The following CHRM5 variants were observed in gnomAD, a reference collection of about 807,000 sequenced individuals.
CHRM5 encodes the protein muscarinic acetylcholine receptor M5.
CHRM5 carries 18 observed loss-of-function variants against 39.0 expected under a neutral mutation model. That is an observed-to-expected ratio of 0.46 (90% CI 0.32 to 0.68). CHRM5 has a LOEUF of 0.68. Among genes scored for constraint, CHRM5 ranks in the 30% least tolerant of loss-of-function variants. CHRM5 has a pLI of 0.04. For missense variants in CHRM5, 515 were observed against 651.1 expected, an observed-to-expected ratio of 0.79 and a Z score of 2.28; for synonymous variants, 241 against 246.3, an observed-to-expected ratio of 0.98 and a Z score of 0.20.
At chr15:34,031,088 C>T (rs2140760731) in intron 1 of CHRM5, among the ~76,000 whole-genome samples, 1 of 146,798 alleles carries the variant, frequency 6.8e-6, no homozygotes, top group African/African-American at 2.6e-5. Context: ...GGAATCACAA[C>T]ACTGATAATA....
chr15:34,021,860 A>AT (rs1898216924), intron 1 of CHRM5, among the ~76,000 whole-genome samples: 3 of 152,060 alleles, frequency 2.0e-5, no homozygotes, highest in African/African-American at 4.8e-5. Flanking sequence ...CATCTCAAAA[A>AT]TAAAAATAAA....
chr15:33,987,193 A>T (rs1050575291), intron 1 of CHRM5, among the ~76,000 whole-genome samples: 3 of 151,944 alleles, frequency 2.0e-5, no homozygotes, highest in African/African-American at 7.2e-5. Context: ...TTTCCATCCC[A>T]CTCCACATAT....
intron 1 of CHRM5, among the ~76,000 whole-genome samples, chr15:34,036,896 G>T (rs1487764527): frequency 6.6e-6 from 1 of 152,036 alleles, no homozygotes; most frequent in Non-Finnish European, 1.5e-5. Context: ...GATCACCTGA[G>T]GTCAGGAGTT....
chr15:34,039,336 A>T (rs1899361120), intron 1 of CHRM5, among the ~76,000 whole-genome samples: 2 of 151,796 alleles, frequency 1.3e-5, no homozygotes, highest in Admixed American at 6.6e-5. Context: ...AAGGCATCAG[A>T]GATAGGTTGG....
chr15:33,980,979 A>G (rs973045853), intron 1 of CHRM5, among the ~76,000 whole-genome samples: 5 of 152,166 alleles, frequency 3.3e-5, no homozygotes, highest in Admixed American at 6.5e-5. Context: ...GCAAGTAAAA[A>G]CTTTCTCACT....
intron 1 of CHRM5, among the ~76,000 whole-genome samples, chr15:33,988,755 A>C (rs904981585): frequency 6.6e-6 from 1 of 152,254 alleles, no homozygotes; most frequent in African/African-American, 2.4e-5. Flanking sequence ...TACAGGGTTG[A>C]AAAAACTCCT....
chr15:34,011,008 T>C (rs545824505), intron 1 of CHRM5, among the ~76,000 whole-genome samples: 1 of 152,254 alleles, frequency 6.6e-6, no homozygotes, highest in Non-Finnish European at 1.5e-5. Context: ...AATTAAAGAA[T>C]TCAATGACAG....
intron 1 of CHRM5, among the ~76,000 whole-genome samples, chr15:33,999,489 T>A (rs1897058170): frequency 6.6e-6 from 1 of 152,216 alleles, no homozygotes; most frequent in South Asian, 2.1e-4. Context: ...TCACTTTTAA[T>A]ACATGCAACA....
chr15:33,986,606 T>C (rs1896481396), intron 1 of CHRM5, among the ~76,000 whole-genome samples: 2 of 152,138 alleles, frequency 1.3e-5, no homozygotes, highest in Non-Finnish European at 2.9e-5. Context: ...TTCCTTCATG[T>C]GCAATACACA....
intron 2 of CHRM5, among the ~76,000 whole-genome samples, chr15:34,047,109 G>C (rs1471848688): frequency 1.3e-5 from 2 of 148,322 alleles, no homozygotes. Context: ...ACGGAGTCTC[G>C]TTCTGTCGCC....
intron 1 of CHRM5, among the ~76,000 whole-genome samples, chr15:33,985,542 A>C (rs1896398805): frequency 6.6e-6 from 1 of 151,958 alleles, no homozygotes; most frequent in Admixed American, 6.5e-5. Context: ...AAATTCAGAC[A>C]AAGAGCAGTC....
At chr15:34,056,142 T>G (rs1280370645) in intron 2 of CHRM5, among the ~76,000 whole-genome samples, 1 of 152,214 alleles carries the variant, frequency 6.6e-6, no homozygotes, top group African/African-American at 2.4e-5. Context: ...TAGTTAAGAA[T>G]AGAAGAAAGT....
chr15:33,997,786 T>C (rs567621580), intron 1 of CHRM5, among the ~76,000 whole-genome samples: 12 of 152,294 alleles, frequency 7.9e-5, no homozygotes, highest in African/African-American at 2.9e-4. Flanking sequence ...TTTGCTCTGC[T>C]AAACTGTAAT....
chr15:34,032,849 A>G (rs1368143636), intron 1 of CHRM5, among the ~76,000 whole-genome samples: 1 of 152,230 alleles, frequency 6.6e-6, no homozygotes, highest in Non-Finnish European at 1.5e-5. Context: ...ACTCTAAAGA[A>G]CATGTAATAT....
rs1900438319 is a variant in CHRM5 at position 34,063,950 on chromosome 15, G to A, written c.1233G>A (p.Lys411=). The change falls in exon 3 of 3, where the codon AAG becomes AAA. Residue 411 remains lysine (K), a synonymous_variant. Coordinates refer to ENST00000383263, the MANE Select transcript of CHRM5 (RefSeq NM_012125.4). The surrounding 1 kb of genome is among the most constrained non-coding windows in gnomAD (Gnocchi z 4.1). ...KIMPCPFPVA[K]EPSTKGLNPN... ...TGCCCTGCCCCTTCCCAGTGGCCAA[G>A]GAACCTTCAACGAAAGGCCTCAATC... 6.2e-7 allele frequency: 1 copy of A among 1,614,132 alleles called. No homozygotes were observed. Among genetic ancestry groups the A allele is most frequent in the African/African-American group, 1.3e-5 (1 of 75,028 alleles).
In CHRM5 at chr15:34,039,132, G is replaced by A. The variant is rs562056195; in HGVS notation, c.-407-7408G>A. On this transcript the variant is annotated intron_variant, in intron 1 of 2. Coordinates refer to ENST00000383263, the MANE Select transcript of CHRM5 (RefSeq NM_012125.4). ...CCCACCGGAAGCGGGCCGCACGGAG[G>A]AGCCGCGAGCGAAAGGCGCCCGGTA... 2,051 of 1,031,912 alleles carry A rather than the reference G, an allele frequency of 2.0e-3. 35 individuals carry two copies. In the African/African-American group the frequency reaches 0.033, roughly 17 times the overall value. 63.9% of individuals were successfully genotyped at this position (1,031,912 alleles called of 1,614,324 possible).
chr15:33,997,470 A>G (rs148800612), intron 1 of CHRM5, among the ~76,000 whole-genome samples: 1 of 152,126 alleles, frequency 6.6e-6, no homozygotes, highest in African/African-American at 2.4e-5. Flanking sequence ...CTCCACACCA[A>G]CTCACAGCCA....
intron 1 of CHRM5, among the ~76,000 whole-genome samples, chr15:33,988,192 T>G (rs540512284): frequency 5.1e-4 from 77 of 152,284 alleles, no homozygotes; most frequent in African/African-American, 1.6e-3. Flanking sequence ...CTTCTTTTTT[T>G]GCAGAAACAA....
chr15:34,064,513 C>A lies in CHRM5; in HGVS notation c.*197C>A. On this transcript the variant is annotated 3_prime_UTR_variant, in exon 3 of 3. Transcript: ENST00000383263. Reference sequence around the variant, plus strand: ...GCAATTGCTGACATATTAAATGACTCTTGCCTATGACCAAGGCCATTTGAT... The same window carrying A: ...GCAATTGCTGACATATTAAATGACTATTGCCTATGACCAAGGCCATTTGAT... 1 of 666,750 alleles carries A rather than the reference C, an allele frequency of 1.5e-6. No individual in the cohort carries two copies. Among genetic ancestry groups the A allele is most frequent in the Non-Finnish European group, 2.6e-6 (1 of 390,996 alleles). The allele number at this position is 666,750 out of a possible 1,614,324, so 41.3% of individuals were successfully genotyped here.
Sources: gnomAD v4.1 joint callset for allele counts (sites outside exome capture counted in the v4.1 genomes callset) on GRCh38, gnomAD v4.1.1 for gene constraint, Gnocchi (gnomAD v3.1) non-coding constraint, MANE v1.5 for transcripts, NCBI Gene and HGNC (gene_info 2026-07-23, HGNC 2026-07-21) for gene names.